Variants in CXXC4 observed in about 807,000 individuals in gnomAD.
CXXC4 encodes the protein CXXC-type zinc finger protein 4.
Under a neutral mutation model 20.5 loss-of-function variants are expected in CXXC4, and 5 were observed. The observed-to-expected ratio is 0.24, with a 90% CI of 0.13 to 0.51. The LOEUF is 0.51. Among genes scored for constraint, CXXC4 ranks in the 20% least tolerant of loss-of-function variants. The pLI is 0.97. For synonymous variants in CXXC4, 250 were observed against 216.4 expected, an observed-to-expected ratio of 1.16 and a Z score of -1.36; for missense variants, 419 against 496.4, an observed-to-expected ratio of 0.84 and a Z score of 1.48.
intron 2 of CXXC4, among the ~76,000 whole-genome samples, chr4:104,487,019 C>T (rs1390904668): frequency 1.3e-5 from 2 of 152,070 alleles, no homozygotes; most frequent in Non-Finnish European, 2.9e-5. Flanking sequence ...TTTTTTCTGC[C>T]AACCCCCTTA....
rs1005184594 is a variant in CXXC4 at position 104,468,479 on chromosome 4, T to A, written c.*3843A>T. On this transcript the variant is annotated 3_prime_UTR_variant, in exon 3 of 3. Transcript: ENST00000394767. ...CTGTTTTCCAAAACCGTTTTTTAAA[T>A]AATTGCACAAGCATACATACACCTT... 2.6e-5 allele frequency: 4 copies of A among 151,250 alleles called. No homozygotes were observed. The highest frequency in any genetic ancestry group is 5.9e-5 in the Non-Finnish European group (4 of 67,786). 9.4% of individuals were successfully genotyped at this position (151,250 alleles called of 1,614,324 possible). A position where few individuals can be genotyped will look rare whatever the true frequency, so the allele number is the denominator to read the frequency against.
chr4:104,487,898 A>G (rs1434940756), intron 2 of CXXC4, among the ~76,000 whole-genome samples: 1 of 152,184 alleles, frequency 6.6e-6, no homozygotes, highest in Non-Finnish European at 1.5e-5. Context: ...TTTAAAAGGA[A>G]CACTAGGGAG....
intron 2 of CXXC4, among the ~76,000 whole-genome samples, chr4:104,488,640 T>G (rs1404310399): frequency 6.6e-6 from 1 of 152,164 alleles, no homozygotes; most frequent in Non-Finnish European, 1.5e-5. Context: ...GTAACAGAAT[T>G]TTTGTGCATG....
intron 2 of CXXC4, among the ~76,000 whole-genome samples, chr4:104,475,561 A>T (rs1019532781): frequency 6.6e-6 from 1 of 152,178 alleles, no homozygotes; most frequent in African/African-American, 2.4e-5. Flanking sequence ...CAGGTTTCTA[A>T]CTAAGTTTGT....
intron 2 of CXXC4, 38 bp downstream of exon 2, chr4:104,490,706 G>T (rs768756505): frequency 6.5e-7 from 1 of 1,535,830 alleles, no homozygotes; most frequent in Non-Finnish European, 8.9e-7. Context: ...GAGGAGGGAA[G>T]GGGGGAGACT....
chr4:104,493,958 T>A (rs1267979258), intron 1 of CXXC4, among the ~76,000 whole-genome samples: 1 of 152,086 alleles, frequency 6.6e-6, no homozygotes, highest in Non-Finnish European at 1.5e-5. Context: ...AATAAATAAA[T>A]AATTTAACGT....
At chr4:104,492,743 T>G (rs1334522340) in intron 1 of CXXC4, among the ~76,000 whole-genome samples, 5 of 151,902 alleles carry the variant, frequency 3.3e-5, no homozygotes, top group Non-Finnish European at 7.4e-5. Context: ...GGGTCTTAAT[T>G]CAATGGACCA....
In CXXC4 at chr4:104,471,978, A is replaced by C; in HGVS notation, c.*344T>G. 1 of 189,662 alleles carries C rather than the reference A, an allele frequency of 5.3e-6. No homozygotes were observed. The allele number at this position is 189,662 out of a possible 1,614,324, so 11.7% of individuals were successfully genotyped here. On this transcript the variant is annotated 3_prime_UTR_variant, in exon 3 of 3. Coordinates refer to ENST00000394767, the MANE Select transcript of CXXC4 (RefSeq NM_025212.4). ...ATTTGAAAATGAAGTATAGATATGT[A>C]CTTTGCAAAGATACATGATTTTACA...
At chr4:104,473,940 G>T (rs936426402) in intron 2 of CXXC4, among the ~76,000 whole-genome samples, 9 of 151,888 alleles carry the variant, frequency 5.9e-5, no homozygotes, top group Non-Finnish European at 8.8e-5. Context: ...AATAATAAAA[G>T]TATTAATTGA....
intron 2 of CXXC4, among the ~76,000 whole-genome samples, chr4:104,489,341 G>GT (rs1468050880): frequency 6.6e-6 from 1 of 151,696 alleles, no homozygotes; most frequent in Non-Finnish European, 1.5e-5. Flanking sequence ...ACAATTAAAG[G>GT]TTAAAAAAAA....
rs527832213 is a variant in CXXC4 at position 104,472,187 on chromosome 4, T to G, written c.*135A>C. On this transcript the variant is annotated 3_prime_UTR_variant, in exon 3 of 3. Coordinates refer to ENST00000394767, the MANE Select transcript of CXXC4 (RefSeq NM_025212.4). ...TTCTTTTCCTCTTTTTTTTTTTTTT[T>G]GAAGAAAGCCCTATACATAAAATGA... 1.6e-5 allele frequency: 7 copies of G among 448,966 alleles called. No homozygotes were observed. In the East Asian group the frequency reaches 2.0e-4, roughly 13 times the overall value. 27.8% of individuals were successfully genotyped at this position (448,966 alleles called of 1,614,324 possible).
chr4:104,475,982 T>A (rs762938725), intron 2 of CXXC4, among the ~76,000 whole-genome samples: 71 of 152,112 alleles, frequency 4.7e-4, no homozygotes, highest in Non-Finnish European at 5.1e-4. Flanking sequence ...GTTCTCTTTC[T>A]GGTACTGCTG....
intron 2 of CXXC4, among the ~76,000 whole-genome samples, chr4:104,482,658 T>C (rs551740707): frequency 1.3e-5 from 2 of 152,250 alleles, no homozygotes; most frequent in South Asian, 2.1e-4. Flanking sequence ...CATTTCCACA[T>C]GATTAAATTT....
intron 2 of CXXC4, among the ~76,000 whole-genome samples, chr4:104,487,216 G>C (rs1736723246): frequency 6.6e-6 from 1 of 152,130 alleles, no homozygotes; most frequent in Non-Finnish European, 1.5e-5. Context: ...AAGTCTCAGT[G>C]GTGGCAGTGT....
intron 2 of CXXC4, among the ~76,000 whole-genome samples, chr4:104,485,188 A>G (rs1736656020): frequency 6.6e-6 from 1 of 152,052 alleles, no homozygotes; most frequent in Non-Finnish European, 1.5e-5. Flanking sequence ...AGTGACTAAA[A>G]GTCACATTAC....
chr4:104,482,957 C>A (rs1736593367), intron 2 of CXXC4, among the ~76,000 whole-genome samples: 1 of 152,096 alleles, frequency 6.6e-6, no homozygotes, highest in South Asian at 2.1e-4. Flanking sequence ...TTCCCATAGT[C>A]TGACACTTTA....
rs1233329382 is a variant in CXXC4 at position 104,490,934 on chromosome 4, G to C, written c.869C>G (p.Ser290Cys). 6.2e-7 allele frequency: 1 copy of C among 1,613,988 alleles called. No homozygotes were observed. The highest frequency in any genetic ancestry group is 1.3e-5 in the African/African-American group (1 of 74,888). Reference protein sequence around the residue: ...CPQNHSSSSSSSSGGAGGANP... With the variant: ...CPQNHSSSSSCSSGGAGGANP... ...GGCTCCGCCAGCTCCCCCTGAGGAG[G>C]ACGAGGAGGAGGAGGAATGATTCTG... is the stretch of plus-strand genomic sequence containing the variant. Residue 290 changes from serine to cysteine, a missense_variant, in exon 2 of 3, where the codon TCC (serine) becomes TGC (cysteine). Transcript: ENST00000394767.
At chr4:104,485,963 TTCA>T (rs1319185658) in intron 2 of CXXC4, among the ~76,000 whole-genome samples, 2 of 152,118 alleles carry the variant, frequency 1.3e-5, no homozygotes, top group African/African-American at 4.8e-5. Context: ...TTTTATTTCT[TTCA>T]TCACTAGATA....
chr4:104,476,652 A>G (rs1193819811), intron 2 of CXXC4, among the ~76,000 whole-genome samples: 2 of 152,036 alleles, frequency 1.3e-5, no homozygotes, highest in Admixed American at 6.6e-5. Context: ...AGAAATGTCT[A>G]TAACTAAAGT....
Sources: allele counts gnomAD v4.1 joint callset (sites outside exome capture counted in the v4.1 genomes callset), GRCh38; gene constraint gnomAD v4.1.1; transcripts MANE v1.5; gene names NCBI Gene and HGNC (gene_info 2026-07-23, HGNC 2026-07-21).